ZMYM4: variants seen among roughly 807,000 people sequenced by gnomAD.
ZMYM4 encodes zinc finger MYM-type protein 4.
A neutral mutation model predicts 183.2 loss-of-function variants in ZMYM4; 31 were observed. That is an observed-to-expected ratio of 0.17 (90% CI 0.13 to 0.23). The LOEUF (loss-of-function observed/expected upper bound fraction) is 0.23. Ranked by LOEUF, ZMYM4 falls within the 10% of genes least tolerant of loss-of-function variation. ZMYM4 has a pLI of 1.00. For missense variants in ZMYM4, 1,273 were observed against 1,840.3 expected, an observed-to-expected ratio of 0.69 and a Z score of 5.64; for synonymous variants, 592 against 631.2, an observed-to-expected ratio of 0.94 and a Z score of 0.93.
rs115778632 is a variant in ZMYM4, at chr1:35,374,486, G to A, written c.1181+3859G>A. The stretch of plus-strand genomic sequence containing the variant: ...GGGATCAACAGTCTTTAAAATTTCA[G>A]TGATATTTATCCTTTTATAATCATA... On this transcript the variant is annotated intron_variant, in intron 7 of 29. Transcript: ENST00000314607. Among the ~76,000 whole-genome samples the A allele has an allele frequency of 3.7e-3, 560 of 151,690 alleles. 2 individuals carry two copies. Among genetic ancestry groups the A allele is most frequent in the African/African-American group, 0.013 (529 of 41,362 alleles).
At chr1:35,330,027 G>A (rs1642667909) in intron 2 of ZMYM4, among the ~76,000 whole-genome samples, 1 of 152,180 alleles carries the variant, frequency 6.6e-6, no homozygotes, top group South Asian at 2.1e-4. Context: ...ACCAGCCTGG[G>A]CACATAGCAA....
rs1434611219 is a variant in ZMYM4 at position 35,418,480 on chromosome 1, T to C, written c.4347T>C (p.Asp1449=). The C allele has an allele frequency of 1.2e-6, 2 of 1,613,982 alleles. No homozygotes were observed. The highest frequency in any genetic ancestry group is 1.3e-5 in the African/African-American group (1 of 74,932). The change falls in exon 29 of 30, where the codon GAT becomes GAC. Residue 1449 remains aspartate, a synonymous_variant. Transcript: ENST00000314607. The part of the protein sequence containing the change: ...LTVGKRKRNE[D]DEVPVGVEMA... ...TTGGCAAGAGGAAACGAAATGAAGATGATGAGGTTCCAGTGGGGGTGGAGA... is the reference window on the plus strand; with the variant it reads ...TTGGCAAGAGGAAACGAAATGAAGACGATGAGGTTCCAGTGGGGGTGGAGA...
chr1:35,277,425 T>C (rs928858879), intron 1 of ZMYM4, among the ~76,000 whole-genome samples: 2 of 152,222 alleles, frequency 1.3e-5, no homozygotes, highest in Admixed American at 1.3e-4. Context: ...GGAATTGTTC[T>C]AGACAAATTA....
chr1:35,311,014 T>A (rs1038030561), intron 1 of ZMYM4, among the ~76,000 whole-genome samples: 2 of 152,310 alleles, frequency 1.3e-5, no homozygotes, highest in South Asian at 4.1e-4. Flanking sequence ...TACGCTTCTA[T>A]CACCCCATTT....
At chr1:35,332,598 C>T (rs981469613) in intron 2 of ZMYM4, among the ~76,000 whole-genome samples, 7 of 152,064 alleles carry the variant, frequency 4.6e-5, no homozygotes, top group Non-Finnish European at 7.3e-5. Flanking sequence ...ACCTTGCCTT[C>T]CTCATAGTGT....
intron 1 of ZMYM4, among the ~76,000 whole-genome samples, chr1:35,322,311 C>G (rs961326416): frequency 3.9e-5 from 6 of 152,122 alleles, no homozygotes; most frequent in Non-Finnish European, 1.5e-5. Flanking sequence ...TTCATATTAC[C>G]TTTAAGCTTT....
At chr1:35,275,712 A>G (rs1316152346) in intron 1 of ZMYM4, among the ~76,000 whole-genome samples, 1 of 152,220 alleles carries the variant, frequency 6.6e-6, no homozygotes, top group Non-Finnish European at 1.5e-5. Context: ...ACTTTAGCAA[A>G]GGAGAAAGGC....
At chr1:35,412,909 C>T (rs978037104) in intron 26 of ZMYM4, among the ~76,000 whole-genome samples, 5 of 151,922 alleles carry the variant, frequency 3.3e-5, no homozygotes, top group Non-Finnish European at 7.4e-5. Context: ...ACCAAGATAG[C>T]CACAGAAATA....
chr1:35,379,782 T>C (rs1644413436), intron 7 of ZMYM4, among the ~76,000 whole-genome samples: 1 of 152,210 alleles, frequency 6.6e-6, no homozygotes, highest in Non-Finnish European at 1.5e-5. Context: ...TTCGATATTA[T>C]TATGCCTCAG....
intron 7 of ZMYM4, among the ~76,000 whole-genome samples, chr1:35,380,084 C>G (rs924191552): frequency 6.6e-6 from 1 of 152,300 alleles, no homozygotes; most frequent in East Asian, 1.9e-4. Context: ...GGCAGGGTTG[C>G]TACAAGCCTT....
chr1:35,376,900 C>G (rs761291494), intron 7 of ZMYM4, among the ~76,000 whole-genome samples: 1 of 151,998 alleles, frequency 6.6e-6, no homozygotes, highest in Non-Finnish European at 1.5e-5. Context: ...ACTCTGAGCT[C>G]CTTAAGTACA....
chr1:35,388,960 T>C lies in ZMYM4; in HGVS notation c.2314T>C (p.Cys772Arg). The change falls in exon 14 of 30, where the codon TGT (cysteine) becomes CGT (arginine). Residue 772 changes from cysteine (C) to arginine (R), a missense_variant. Cys to Arg is a radical substitution (Grantham distance 180, BLOSUM62 -3). Transcript: ENST00000314607. ...HDLAKRWGNH[C>R]KMCSYCLQTS... ...CTTGGCAAAACGCTGGGGAAATCACTGTAAAATGTGCAGTTATTGTTTACA... is the reference window on the plus strand; with the variant it reads ...CTTGGCAAAACGCTGGGGAAATCACCGTAAAATGTGCAGTTATTGTTTACA... 6.2e-7 allele frequency: 1 copy of C among 1,614,090 alleles called. No individual in the cohort carries two copies. The highest frequency in any genetic ancestry group is 8.5e-7 in the Non-Finnish European group (1 of 1,179,996).
intron 20 of ZMYM4, among the ~76,000 whole-genome samples, 176 bp downstream of exon 20, chr1:35,397,721 T>C (rs1353484251): frequency 1.3e-5 from 2 of 152,196 alleles, no homozygotes; most frequent in African/African-American, 4.8e-5. Flanking sequence ...ATTGTTTTTA[T>C]GAAGGAAAAC....
chr1:35,396,497 T>C, intron 18 of ZMYM4, 55 bp from the exon 19 acceptor site: 1 of 1,600,130 alleles, frequency 6.2e-7, no homozygotes, highest in Non-Finnish European at 8.5e-7. Flanking sequence ...TGAAATCTTA[T>C]GAAAGCATTT....
chr1:35,272,185 A>T (rs1033613281), intron 1 of ZMYM4, among the ~76,000 whole-genome samples: 1 of 152,156 alleles, frequency 6.6e-6, no homozygotes, highest in Admixed American at 6.5e-5. Flanking sequence ...GACTGCCTTG[A>T]GGGAGTTGAA....
chr1:35,377,404 T>C (rs149517572), intron 7 of ZMYM4, among the ~76,000 whole-genome samples: 130 of 152,358 alleles, frequency 8.5e-4, no homozygotes, highest in African/African-American at 3.0e-3. Context: ...TTATGTATTA[T>C]AGTAAAATAT....
chr1:35,270,213 C>T (rs1017216732), intron 1 of ZMYM4, among the ~76,000 whole-genome samples: 6 of 152,136 alleles, frequency 3.9e-5, no homozygotes, highest in Non-Finnish European at 7.4e-5. Flanking sequence ...ACTTAGATCA[C>T]ACAGCTAGTT....
intron 23 of ZMYM4, among the ~76,000 whole-genome samples, chr1:35,401,619 A>C (rs568570424): frequency 6.6e-6 from 1 of 152,226 alleles, no homozygotes; most frequent in East Asian, 1.9e-4. Flanking sequence ...ATTTTGAGGA[A>C]GTCCCTTTTA....
At chr1:35,418,325 T>G in intron 28 of ZMYM4, 118 bp from the exon 29 acceptor site, 1 of 1,074,678 alleles carries the variant, frequency 9.3e-7, no homozygotes, top group Non-Finnish European at 1.3e-6. Flanking sequence ...TGAGTGTGAG[T>G]GAGTGAAAGG....
Sources: allele counts gnomAD v4.1 joint callset (sites outside exome capture counted in the v4.1 genomes callset), GRCh38; gene constraint gnomAD v4.1.1; transcripts MANE v1.5; gene names NCBI Gene and HGNC (gene_info 2026-07-23, HGNC 2026-07-21).